The following MTSS2 variants were observed in gnomAD, a reference collection of about 807,000 sequenced individuals.
The protein encoded by MTSS2 is protein MTSS 2.
MTSS2 carries 27 observed loss-of-function variants against 67.1 expected under a neutral mutation model. The observed-to-expected ratio is 0.40, with a 90% confidence interval of 0.30 to 0.55. The LOEUF (loss-of-function observed/expected upper bound fraction) is 0.55, where lower values mean the gene tolerates loss of function less well. Among genes scored for constraint, MTSS2 ranks in the 20% least tolerant of loss-of-function variants. The probability of loss-of-function intolerance (pLI) is 0.43; values close to 1 mark genes in which losing one functional copy is unlikely to be tolerated. For synonymous variants in MTSS2, 624 were observed against 468.6 expected (o/e 1.33, Z -4.28); for missense variants, 1,171 against 1,067.8 (o/e 1.10, Z -1.35).
At chr16:70,671,133 T>A (rs2052922621) in intron 11 of MTSS2, among the ~76,000 whole-genome samples, 1 of 151,756 alleles carries the variant, frequency 6.6e-6, no homozygotes, top group Non-Finnish European at 1.5e-5. Flanking sequence ...AAAAGTTCCT[T>A]GGGCAGGTGT....
intron 11 of MTSS2, among the ~76,000 whole-genome samples, chr16:70,673,490 A>G (rs1324899945): frequency 6.6e-6 from 1 of 152,214 alleles, no homozygotes; most frequent in East Asian, 1.9e-4. Flanking sequence ...GGACAAAATA[A>G]AACATGTTTA....
At chr16:70,678,557 C>G in intron 7 of MTSS2, 148 bp from the exon 8 acceptor site, 2 of 878,158 alleles carry the variant, frequency 2.3e-6, no homozygotes, top group South Asian at 3.6e-5. Flanking sequence ...GCAGTGAGGA[C>G]TCTGGGGCTT....
intron 11 of MTSS2, among the ~76,000 whole-genome samples, chr16:70,669,422 T>G (rs536872217): frequency 2.0e-5 from 3 of 152,200 alleles, no homozygotes; most frequent in African/African-American, 4.8e-5. Context: ...ATGGCACACA[T>G]CTGTAGTCTC....
At chr16:70,672,681 CAA>C (rs60173167) in intron 11 of MTSS2, among the ~76,000 whole-genome samples, 110 of 117,506 alleles carry the variant, frequency 9.4e-4, no homozygotes, top group South Asian at 9.6e-4. Flanking sequence ...GGTTAAATAG[CAA>C]AAAAAAAAAA....
chr16:70,664,076 G>A lies in MTSS2; in HGVS notation c.1845C>T (p.Cys615=), dbSNP rs767275878. 1.3e-5 allele frequency: 21 copies of A among 1,611,614 alleles called. No homozygotes were observed. The highest frequency in any genetic ancestry group is 5.3e-5 in the African/African-American group (4 of 74,916). ...AGGCGGTCTCGTCGGTATAGAAGAC[G>A]CACTCCTCACTGCCCGCCCGTGTGG... ...MGPTRAGSEE[C]VFYTDETASP... is the part of the protein sequence containing the mutation. The change falls in exon 15 of 15, where the codon TGC becomes TGT. Residue 615 remains cysteine, a synonymous_variant. Coordinates refer to ENST00000338779, the MANE Select transcript of MTSS2 (RefSeq NM_138383.3).
chr16:70,661,439 T>TA lies in MTSS2; in HGVS notation c.*2237dup, dbSNP rs1179253096. ...GGCTGCCTGGGGTGGGGGAATAAATTAAAAAAAGGAACGAGTTAACAACAG... is the reference window on the plus strand; with the variant it reads ...GGCTGCCTGGGGTGGGGGAATAAATTAAAAAAAAGGAACGAGTTAACAACAG... On this transcript the variant is annotated 3_prime_UTR_variant, in exon 15 of 15. Transcript: ENST00000338779. The TA allele has an allele frequency of 4.1e-5, 15 of 369,364 alleles. No individual in the cohort carries two copies. Among genetic ancestry groups the TA allele is most frequent in the African/African-American group, 2.6e-4 (12 of 46,314 alleles). 22.9% of individuals were successfully genotyped at this position (369,364 alleles called of 1,614,324 possible). A position where few individuals can be genotyped will look rare whatever the true frequency, so the allele number is the denominator to read the frequency against.
intron 11 of MTSS2, among the ~76,000 whole-genome samples, chr16:70,666,363 T>G (rs1189957424): frequency 2.0e-5 from 3 of 152,176 alleles, no homozygotes; most frequent in African/African-American, 7.2e-5. Flanking sequence ...TGGGCTGGAC[T>G]AGGTGTTCTG....
Position 70,674,357 on chromosome 16 carries a change from G to A in MTSS2, c.1002C>T (p.Asp334=), listed in dbSNP as rs769290285. 112 of 1,614,006 alleles carry A rather than the reference G, an allele frequency of 6.9e-5. No homozygotes were observed. Among genetic ancestry groups the A allele is most frequent in the South Asian group, 6.3e-4 (57 of 91,078 alleles). ...SSHDSGFVSQ[D]ATYSKPPSPM... Reference sequence around the variant, plus strand: ...GCGAGGGGGGCTTGGAGTAGGTGGCGTCCTGGGAGACGAAGCCAGAGTCAT... The same window carrying A: ...GCGAGGGGGGCTTGGAGTAGGTGGCATCCTGGGAGACGAAGCCAGAGTCAT... The change falls in exon 11 of 15, where the codon GAC becomes GAT. Residue 334 remains aspartate, a synonymous_variant. Coordinates refer to ENST00000338779, the MANE Select transcript of MTSS2 (RefSeq NM_138383.3).
intron 12 of MTSS2, 131 bp from the exon 13 acceptor site, chr16:70,665,227 G>A (rs770331454): frequency 1.8e-6 from 2 of 1,123,910 alleles, no homozygotes; most frequent in Admixed American, 2.7e-5. Context: ...TCACAGCCAA[G>A]GGCAGAGCAT....
At chr16:70,679,921 C>A in intron 4 of MTSS2, 44 bp from the exon 5 acceptor site, 1 of 1,523,712 alleles carries the variant, frequency 6.6e-7, no homozygotes, top group South Asian at 1.2e-5. Flanking sequence ...CGGGCTCCCC[C>A]GCGACGCCCC....
Position 70,665,088 on chromosome 16 carries a change from G to C in MTSS2, c.1137C>G (p.Ser379=). ...SECSSPTSDW[S]KVGSHEQPSG... Reference sequence around the variant, plus strand: ...AGGGCTGCTCATGGGAGCCGACCTTGGACCAGTCCTGCAGGGAGGGTGTGG... The same window carrying C: ...AGGGCTGCTCATGGGAGCCGACCTTCGACCAGTCCTGCAGGGAGGGTGTGG... The change falls in exon 13 of 15, where the codon TCC becomes TCG. Residue 379 remains serine, a synonymous_variant. Transcript: ENST00000338779. 6.3e-7 allele frequency: 1 copy of C among 1,596,334 alleles called. No homozygotes were observed. Among genetic ancestry groups the C allele is most frequent in the Non-Finnish European group, 8.5e-7 (1 of 1,179,102 alleles).
chr16:70,662,914 C>T lies in MTSS2; in HGVS notation c.*763G>A, dbSNP rs143940500. On this transcript the variant is annotated 3_prime_UTR_variant, in exon 15 of 15. Coordinates refer to ENST00000338779, the MANE Select transcript of MTSS2 (RefSeq NM_138383.3). ...GGCTGGCCGGTGACCCCAGGGCCTCCGGCCTCCTAACCCTGCTGCCCTAGT... is the reference window on the plus strand; with the variant it reads ...GGCTGGCCGGTGACCCCAGGGCCTCTGGCCTCCTAACCCTGCTGCCCTAGT... 283 of 152,552 alleles carry T rather than the reference C, an allele frequency of 1.9e-3. No individual in the cohort carries two copies. Among genetic ancestry groups the T allele is most frequent in the African/African-American group, 3.8e-3 (157 of 41,592 alleles). The allele number at this position is 152,552 out of a possible 1,614,324, so 9.4% of individuals were successfully genotyped here.
intron 1 of MTSS2, among the ~76,000 whole-genome samples, chr16:70,681,579 C>A (rs1327789182): frequency 6.6e-6 from 1 of 152,230 alleles, no homozygotes; most frequent in African/African-American, 2.4e-5. Flanking sequence ...AGCAGTGGCT[C>A]CCAGGGCCGA....
intron 11 of MTSS2, chr16:70,665,861 C>CTGGGTGTTTGGTCTGAGCAGT (rs1313686195): frequency 3.9e-6 from 1 of 254,444 alleles, no homozygotes; most frequent in Non-Finnish European, 7.6e-6. Flanking sequence ...AGGGCGGCAG[C>CTGGGTGTTTGGTCTGAGCAGT]TGGGTGTTTG....
chr16:70,680,033 C>T lies in MTSS2; in HGVS notation c.228G>A (p.Ser76=). The change falls in exon 4 of 15, where the codon TCG becomes TCA. Residue 76 remains serine (S), a synonymous_variant. Transcript: ENST00000338779. ...NTRGATRDIG[S]ALTRMCMRHR... The stretch of plus-strand genomic sequence containing the variant: ...GGCGCATGCACATGCGTGTGAGCGC[C>T]GAGCCGATGTCCCTCGTGGCCCCTG... The T allele has an allele frequency of 1.3e-6, 2 of 1,525,426 alleles. No homozygotes were observed. Among genetic ancestry groups the T allele is most frequent in the Non-Finnish European group, 1.7e-6 (2 of 1,145,156 alleles). The allele number at this position is 1,525,426 out of a possible 1,614,324, so 94.5% of individuals were successfully genotyped here.
intron 7 of MTSS2, 35 bp downstream of exon 7, chr16:70,679,280 G>A: frequency 6.2e-7 from 1 of 1,613,072 alleles, no homozygotes; most frequent in Non-Finnish European, 8.5e-7. Flanking sequence ...GACAAGGACG[G>A]GAGGAGCAGC....
At chr16:70,672,672 G>A (rs2052981316) in intron 11 of MTSS2, among the ~76,000 whole-genome samples, 1 of 124,630 alleles carries the variant, frequency 8.0e-6, no homozygotes, top group South Asian at 2.5e-4. Flanking sequence ...CAGTGGGTAG[G>A]TTAAATAGCA....
At chr16:70,680,918 G>GGGGGGGGGGGGGGCGGGCCCCCCCCCC in intron 2 of MTSS2, 46 bp downstream of exon 2, 1 of 1,097,934 alleles carries the variant, frequency 9.1e-7, no homozygotes, top group Non-Finnish European at 1.3e-6. Flanking sequence ...CGGGGGGGGG[G>GGGGGGGGGGGGGGCGGGCCCCCCCCCC]CCTCTGCCTG....
rs1052200962 is a variant in MTSS2, at chr16:70,661,983, C to T, written c.*1694G>A. 2 of 153,118 alleles carry T rather than the reference C, an allele frequency of 1.3e-5. No individual in the cohort carries two copies. The highest frequency in any genetic ancestry group is 2.9e-5 in the Non-Finnish European group (2 of 68,794). The allele number at this position is 153,118 out of a possible 1,614,324, so 9.5% of individuals were successfully genotyped here. On this transcript the variant is annotated 3_prime_UTR_variant, in exon 15 of 15. Coordinates refer to ENST00000338779, the MANE Select transcript of MTSS2 (RefSeq NM_138383.3). ...CTAAAACCGGGGCTCTGGTGTTGGCCTGAGCTCCACGGGCTGAGTGCTCGG... is the reference window on the plus strand; with the variant it reads ...CTAAAACCGGGGCTCTGGTGTTGGCTTGAGCTCCACGGGCTGAGTGCTCGG...
Sources: allele counts gnomAD v4.1 joint callset (sites outside exome capture counted in the v4.1 genomes callset), GRCh38; gene constraint gnomAD v4.1.1; transcripts MANE v1.5; gene names NCBI Gene and HGNC (gene_info 2026-07-23, HGNC 2026-07-21).